Variants in SLC6A5 observed in about 807,000 individuals in gnomAD.
SLC6A5 encodes solute carrier family 6 member 5, also known as sodium- and chloride-dependent glycine transporter 2.
Under a neutral mutation model 90.5 loss-of-function variants are expected in SLC6A5, and 58 were observed. The ratio of observed to expected loss-of-function variants is 0.64; its 90% confidence interval spans 0.52 to 0.80. SLC6A5 has a LOEUF of 0.80. Ranked by LOEUF, SLC6A5 falls within the 30% of genes least tolerant of loss-of-function variation. The pLI is 0.00. For missense variants in SLC6A5, 1,015 were observed against 1,017.6 expected (o/e 1.00, Z 0.03); for synonymous variants, 427 against 401.4 (o/e 1.06, Z -0.76).
chr11:20,655,536 T>C lies in SLC6A5; in HGVS notation c.*668T>C, dbSNP rs1320306385. On this transcript the variant is annotated 3_prime_UTR_variant, in exon 16 of 16. Transcript: ENST00000525748. ...TGTGACTTTGATTGAACTGTCAGTT[T>C]TCTTCCCTCAACTGTCTTTTTTTGT... is the stretch of plus-strand genomic sequence containing the variant. The C allele has an allele frequency of 6.5e-6, 1 of 153,030 alleles. No homozygotes were observed. Among genetic ancestry groups the C allele is most frequent in the Admixed American group, 6.5e-5 (1 of 15,476 alleles). The allele number at this position is 153,030 out of a possible 1,614,324, so 9.5% of individuals were successfully genotyped here.
chr11:20,610,620 T>G (rs961878051), intron 5 of SLC6A5, among the ~76,000 whole-genome samples: 2 of 152,230 alleles, frequency 1.3e-5, no homozygotes, highest in African/African-American at 4.8e-5. Context: ...TTAATTGTCT[T>G]CATTTATGTC....
At chr11:20,647,420 A>G (rs1190160328) in intron 14 of SLC6A5, among the ~76,000 whole-genome samples, 2 of 145,498 alleles carry the variant, frequency 1.4e-5, no homozygotes, top group African/African-American at 5.0e-5. Context: ...AGGAATTCCT[A>G]TTATATAGTT....
chr11:20,605,656 A>G (rs963063286), intron 3 of SLC6A5, among the ~76,000 whole-genome samples: 1 of 152,094 alleles, frequency 6.6e-6, no homozygotes, highest in Non-Finnish European at 1.5e-5. Context: ...CAGCAAAAGG[A>G]GGTTGGCCCG....
At position 20,601,282 on chromosome 11, in the gene SLC6A5, A is replaced by T; in HGVS notation, c.157A>T (p.Arg53Trp). Residue 53 changes from arginine (R) to tryptophan (W), a missense_variant, in exon 2 of 16, where the codon AGG becomes TGG. Arg to Trp is a moderately radical substitution (Grantham distance 101). Around this residue, in one of 3 missense-constraint regions of SLC6A5, gnomAD observed 567 missense variants for 507.3 expected, o/e 1.12. Coordinates refer to ENST00000525748, the MANE Select transcript of SLC6A5 (RefSeq NM_004211.5). ...CGCCCCGCCGCCGCCACGTGTGCCCAGGTCCGCTTCCACCGGCGCCCAAAC... is the reference window on the plus strand; with the variant it reads ...CGCCCCGCCGCCGCCACGTGTGCCCTGGTCCGCTTCCACCGGCGCCCAAAC... Reference protein sequence around the residue: ...AAAPPPPRVPRSASTGAQTFQ... With the variant: ...AAAPPPPRVPWSASTGAQTFQ... The T allele has an allele frequency of 1.3e-6, 2 of 1,588,640 alleles. No individual in the cohort carries two copies. The highest frequency in any genetic ancestry group is 1.7e-6 in the Non-Finnish European group (2 of 1,173,696).
rs142855098 is a variant in SLC6A5, at chr11:20,652,404, T to C, written c.2186T>C (p.Ile729Thr). ...ATGCTCGCCTGTTCCGTCATCTGGA[T>C]CCCAATTATGTTTGTGATAAAAATG... is the stretch of plus-strand genomic sequence containing the variant. ...WLMLACSVIW[I>T]PIMFVIKMHL... The change falls in exon 15 of 16, where the codon ATC becomes ACC. Residue 729 changes from isoleucine to threonine, a missense_variant. Physicochemically the swap from Ile to Thr is moderately conservative, Grantham distance 89. Coordinates refer to ENST00000525748, the MANE Select transcript of SLC6A5 (RefSeq NM_004211.5). 44 of 1,614,040 alleles carry C rather than the reference T, an allele frequency of 2.7e-5. No individual in the cohort carries two copies. The highest frequency in any genetic ancestry group is 3.4e-6 in the Non-Finnish European group (4 of 1,180,014).
intron 12 of SLC6A5, 144 bp downstream of exon 12, chr11:20,637,447 A>C: frequency 1.3e-6 from 1 of 745,972 alleles, no homozygotes; most frequent in Non-Finnish European, 2.3e-6. Flanking sequence ...CCAGTTCATT[A>C]GGGATTCTGA....
At chr11:20,627,503 G>T (rs918256738) in intron 8 of SLC6A5, among the ~76,000 whole-genome samples, 10 of 152,210 alleles carry the variant, frequency 6.6e-5, no homozygotes, top group African/African-American at 2.4e-4. Flanking sequence ...CAGGTAGGAC[G>T]TGACACTATA....
At chr11:20,606,167 T>A (rs1209382597) in intron 3 of SLC6A5, among the ~76,000 whole-genome samples, 3 of 152,180 alleles carry the variant, frequency 2.0e-5, no homozygotes. Context: ...CAAAGAATGC[T>A]GAAGGGAAAG....
At chr11:20,648,133 T>C (rs549906218) in intron 14 of SLC6A5, among the ~76,000 whole-genome samples, 37 of 152,260 alleles carry the variant, frequency 2.4e-4, no homozygotes, top group African/African-American at 8.2e-4. Context: ...TTGGGAACGC[T>C]GGAGGATGTT....
chr11:20,632,606 A>G (rs1432829785), intron 10 of SLC6A5, among the ~76,000 whole-genome samples: 2 of 152,190 alleles, frequency 1.3e-5, no homozygotes, highest in Non-Finnish European at 1.5e-5. Flanking sequence ...GAGAAGGCCC[A>G]TGAGATCTTC....
chr11:20,651,429 A>G (rs1389638882), intron 14 of SLC6A5, among the ~76,000 whole-genome samples: 1 of 150,440 alleles, frequency 6.6e-6, no homozygotes, highest in African/African-American at 2.4e-5. Flanking sequence ...GCGTGCCACC[A>G]TGCCTGGCTA....
rs746134192 is a variant in SLC6A5, at chr11:20,627,979, G to T, written c.1396-1G>T. The T allele has an allele frequency of 3.7e-6, 6 of 1,612,892 alleles. No homozygotes were observed. Among genetic ancestry groups the T allele is most frequent in the Non-Finnish European group, 5.1e-6 (6 of 1,178,998 alleles). On this transcript the variant is annotated splice_acceptor_variant, in intron 8 of 15. Transcript: ENST00000525748. LOFTEE classifies it high-confidence loss of function. ...GAATCTCTTTCCCTTTTGCCTCTCA[G>T]GTGTGGAAAGATGCTGCCACTCAGA...
At position 20,652,102 on chromosome 11, in the gene SLC6A5, A is replaced by T. The variant is rs12363968; in HGVS notation, c.2071-187A>T. ...GCAAATGCAGAGTCAGCAGCTCAGA[A>T]TATATCATTTCCATCTCTTTGAAAT... On this transcript the variant is annotated intron_variant, in intron 14 of 15. Coordinates refer to ENST00000525748, the MANE Select transcript of SLC6A5 (RefSeq NM_004211.5). Among the ~76,000 whole-genome samples the T allele has an allele frequency of 0.056, 8,453 of 152,262 alleles. 358 individuals are homozygous for T. Among genetic ancestry groups the T allele is most frequent in the Non-Finnish European group, 0.08 (5,445 of 68,010 alleles).
In SLC6A5 at chr11:20,601,381, C is replaced by G; in HGVS notation, c.256C>G (p.Arg86Gly). 1.9e-6 allele frequency: 3 copies of G among 1,603,048 alleles called. No homozygotes were observed. Among genetic ancestry groups the G allele is most frequent in the Non-Finnish European group, 2.6e-6 (3 of 1,176,060 alleles). ...GVGSCKLSSP[R>G]AQAASAALRD... ...GGGGTCTTGCAAACTCAGTAGCCCG[C>G]GGGCGCAGGCGGCCTCTGCAGCTCT... Residue 86 changes from arginine (R) to glycine (G), a missense_variant, in exon 2 of 16, where the codon CGG becomes GGG. Physicochemically the swap from Arg to Gly is moderately radical, Grantham distance 125. This residue lies in a region of SLC6A5 where 567 missense variants were observed against 507.3 expected (regional missense o/e 1.12). Transcript: ENST00000525748.
At position 20,654,848 on chromosome 11, in the gene SLC6A5, G is replaced by C. The variant is rs755700484; in HGVS notation, c.2374G>C (p.Glu792Gln). 1 of 1,614,178 alleles carries C rather than the reference G, an allele frequency of 6.2e-7. No homozygotes were observed. Among genetic ancestry groups the C allele is most frequent in the Non-Finnish European group, 8.5e-7 (1 of 1,180,022 alleles). The change falls in exon 16 of 16, where the codon GAA becomes CAA. Residue 792 changes from glutamate (E) to glutamine (Q), a missense_variant. Glu to Gln is a conservative substitution (Grantham distance 29, BLOSUM62 2). This residue lies in a region of SLC6A5 where 442 missense variants were observed against 494.3 expected (regional missense o/e 0.89). Coordinates refer to ENST00000525748, the MANE Select transcript of SLC6A5 (RefSeq NM_004211.5). ...ACTCAAACTGCCAGTGAAGGATTTG[G>C]AACTGGGCACTCAGTGCTAGTCCAG... is the stretch of plus-strand genomic sequence containing the variant. ...LGLKLPVKDL[E>Q]LGTQC
rs548856732 is a variant in SLC6A5, at chr11:20,599,677, T to G, written c.3+2T>G. 1 of 1,613,830 alleles carries G rather than the reference T, an allele frequency of 6.2e-7. No individual in the cohort carries two copies. Among genetic ancestry groups the G allele is most frequent in the East Asian group, 2.2e-5 (1 of 44,860 alleles). ...AGTCTGTTGCCTGTGTCAGACATGGTGAGTGTTTGCTTTTGTTCTTTCAAG... is the reference window on the plus strand; with the variant it reads ...AGTCTGTTGCCTGTGTCAGACATGGGGAGTGTTTGCTTTTGTTCTTTCAAG... On this transcript the variant is annotated splice_donor_variant, in intron 1 of 15. Coordinates refer to ENST00000525748, the MANE Select transcript of SLC6A5 (RefSeq NM_004211.5). LOFTEE classifies it high-confidence loss of function.
chr11:20,654,319 A>G (rs7128875), intron 15 of SLC6A5, among the ~76,000 whole-genome samples: 8,199 of 152,264 alleles, frequency 0.054, 715 homozygotes, highest in African/African-American at 0.19. Flanking sequence ...GAACAAAAGT[A>G]ATCAAGCACA....
In SLC6A5 at chr11:20,628,887, C is replaced by T. The variant is rs184173919; in HGVS notation, c.1499+804C>T. On this transcript the variant is annotated intron_variant, in intron 9 of 15. Coordinates refer to ENST00000525748, the MANE Select transcript of SLC6A5 (RefSeq NM_004211.5). Reference sequence around the variant, plus strand: ...TTACCTTTCCCTGGGCCTCAGTTTCCTCTTCAGTAAACTAAGGGGTCAGAC... The same window carrying T: ...TTACCTTTCCCTGGGCCTCAGTTTCTTCTTCAGTAAACTAAGGGGTCAGAC... Among the ~76,000 whole-genome samples the T allele has an allele frequency of 3.9e-5, 6 of 152,310 alleles. No individual in the cohort carries two copies. In the East Asian group the frequency reaches 1.2e-3, roughly 29 times the overall value.
chr11:20,649,569 A>G (rs890239791), intron 14 of SLC6A5, among the ~76,000 whole-genome samples: 5 of 152,134 alleles, frequency 3.3e-5, no homozygotes, highest in Non-Finnish European at 7.4e-5. Context: ...ATTTTTTGCC[A>G]TTTGCCCTTC....
Sources: allele counts gnomAD v4.1 joint callset (sites outside exome capture counted in the v4.1 genomes callset), GRCh38; gene constraint gnomAD v4.1.1; regional missense constraint gnomAD v4.1.1; transcripts MANE v1.5; gene names NCBI Gene and HGNC (gene_info 2026-07-23, HGNC 2026-07-21).